The following RABGAP1L variants were observed in gnomAD, a reference collection of about 807,000 sequenced individuals.
RABGAP1L encodes the protein RAB GTPase activating protein 1 like, also known as rab GTPase-activating protein 1-like.
RABGAP1L carries 63 observed loss-of-function variants against 137.7 expected under a neutral mutation model. That is an observed-to-expected ratio of 0.46 (90% CI 0.37 to 0.56). RABGAP1L has a LOEUF of 0.56. Among genes scored for constraint, RABGAP1L ranks in the 20% least tolerant of loss-of-function variants. RABGAP1L has a pLI of 0.00. For synonymous variants in RABGAP1L, 431 were observed against 433.7 expected (o/e 0.99, Z 0.08); for missense variants, 1,095 against 1,244.0 (o/e 0.88, Z 1.80).
intron 17 of RABGAP1L, among the ~76,000 whole-genome samples, chr1:174,734,325 A>G (rs115695645): frequency 6.6e-6 from 1 of 152,200 alleles, no homozygotes; most frequent in African/African-American, 2.4e-5. Flanking sequence ...GTATGACCAT[A>G]GGGAACTCGG....
In RABGAP1L at chr1:174,921,674, G is replaced by A. The variant is rs569249343; in HGVS notation, c.2341-35783G>A. Among the ~76,000 whole-genome samples, 6 of 152,278 alleles carry A rather than the reference G, an allele frequency of 3.9e-5. No individual in the cohort carries two copies. The South Asian group carries it at 1.2e-3, about 32-fold the overall frequency. ...GGTTTTATAAAGCTAGTTATCAGCTGCTAACGAACTGTCTAAATATGCCAA... is the reference window on the plus strand; with the variant it reads ...GGTTTTATAAAGCTAGTTATCAGCTACTAACGAACTGTCTAAATATGCCAA... On this transcript the variant is annotated intron_variant, in intron 19 of 25. Transcript: ENST00000681986.
At chr1:174,221,532 T>G (rs1373791900) in intron 3 of RABGAP1L, among the ~76,000 whole-genome samples, 1 of 152,236 alleles carries the variant, frequency 6.6e-6, no homozygotes, top group Non-Finnish European at 1.5e-5. Flanking sequence ...TAAAGTTATA[T>G]TTAGTAAAAA....
chr1:174,625,211 C>T (rs1672857009), intron 13 of RABGAP1L, among the ~76,000 whole-genome samples: 1 of 152,032 alleles, frequency 6.6e-6, no homozygotes, highest in Non-Finnish European at 1.5e-5. Context: ...ACTAACCAAT[C>T]AACATTATAT....
intron 14 of RABGAP1L, among the ~76,000 whole-genome samples, chr1:174,646,837 C>G (rs1675006412): frequency 6.6e-6 from 1 of 152,104 alleles, no homozygotes; most frequent in Non-Finnish European, 1.5e-5. Flanking sequence ...TTCTTTCTAT[C>G]CATGAGCATG....
chr1:174,886,114 A>G (rs1457147251), intron 19 of RABGAP1L, among the ~76,000 whole-genome samples: 2 of 151,632 alleles, frequency 1.3e-5, no homozygotes, highest in Admixed American at 1.3e-4. Flanking sequence ...CCCAGGTTCA[A>G]GCAGTTCTCC....
intron 13 of RABGAP1L, among the ~76,000 whole-genome samples, chr1:174,533,530 T>C (rs1362368465): frequency 1.3e-5 from 2 of 152,204 alleles, no homozygotes; most frequent in African/African-American, 4.8e-5. Context: ...ATGAAGACTT[T>C]CATGATGATC....
At chr1:174,530,910 T>A (rs993647678) in intron 13 of RABGAP1L, among the ~76,000 whole-genome samples, 2 of 151,986 alleles carry the variant, frequency 1.3e-5, no homozygotes, top group African/African-American at 4.8e-5. Flanking sequence ...AGAAAAAAAT[T>A]TTAATTGAAT....
At chr1:174,955,747 C>A (rs1202549785) in intron 19 of RABGAP1L, among the ~76,000 whole-genome samples, 3 of 152,142 alleles carry the variant, frequency 2.0e-5, no homozygotes, top group Non-Finnish European at 4.4e-5. Flanking sequence ...CGTTTGTAAT[C>A]TTAAACCAAA....
intron 13 of RABGAP1L, among the ~76,000 whole-genome samples, chr1:174,454,188 G>A (rs902010800): frequency 3.3e-5 from 5 of 152,004 alleles, no homozygotes; most frequent in African/African-American, 4.8e-5. Flanking sequence ...GCTTGAACCC[G>A]GGAGGCGGAG....
chr1:174,797,630 T>G (rs1573239047), intron 18 of RABGAP1L, among the ~76,000 whole-genome samples: 2 of 66,136 alleles, frequency 3.0e-5, no homozygotes, highest in South Asian at 5.8e-4. Context: ...GGAGTGTGGG[T>G]GTGTGGGGGG....
chr1:174,613,422 C>T (rs868819129), intron 13 of RABGAP1L, among the ~76,000 whole-genome samples: 3 of 152,172 alleles, frequency 2.0e-5, no homozygotes, highest in South Asian at 2.1e-4. Flanking sequence ...GTCTGAGAGA[C>T]AGTTTGTTTT....
chr1:174,797,964 G>A (rs1211943902), intron 18 of RABGAP1L, among the ~76,000 whole-genome samples: 1 of 151,490 alleles, frequency 6.6e-6, no homozygotes, highest in Non-Finnish European at 1.5e-5. Flanking sequence ...TTAGAGATGG[G>A]GTTCCACTAT....
At chr1:174,723,867 T>C (rs1181729196) in intron 17 of RABGAP1L, among the ~76,000 whole-genome samples, 1 of 152,186 alleles carries the variant, frequency 6.6e-6, no homozygotes, top group Admixed American at 6.5e-5. Flanking sequence ...GTTATATAAA[T>C]AGGAGGCCAC....
intron 13 of RABGAP1L, among the ~76,000 whole-genome samples, chr1:174,596,253 G>C (rs1669904154): frequency 6.7e-6 from 1 of 149,270 alleles, no homozygotes; most frequent in African/African-American, 2.5e-5. Flanking sequence ...CCCACTGTCT[G>C]GCACTCCCTA....
At chr1:174,542,844 G>A (rs903359512) in intron 13 of RABGAP1L, among the ~76,000 whole-genome samples, 31 of 152,216 alleles carry the variant, frequency 2.0e-4, no homozygotes, top group African/African-American at 7.0e-4. Flanking sequence ...CCTTCATTTC[G>A]TTATGTACCT....
chr1:174,217,271 G>C (rs1430928886), intron 1 of RABGAP1L, among the ~76,000 whole-genome samples: 1 of 152,184 alleles, frequency 6.6e-6, no homozygotes, highest in Non-Finnish European at 1.5e-5. Flanking sequence ...TTTCATTTAA[G>C]ATACGATAAG....
intron 19 of RABGAP1L, among the ~76,000 whole-genome samples, chr1:174,902,873 T>G (rs375430818): frequency 2.0e-4 from 30 of 151,698 alleles, no homozygotes; most frequent in African/African-American, 6.8e-4. Flanking sequence ...CGGTGCTGAA[T>G]TCACTCTTCC....
chr1:174,859,873 T>C (rs551515254), intron 19 of RABGAP1L, among the ~76,000 whole-genome samples: 38 of 151,742 alleles, frequency 2.5e-4, no homozygotes, highest in Non-Finnish European at 3.4e-4. Context: ...GAAATAACAA[T>C]TTTTATATAG....
chr1:174,445,026 GATA>G (rs1654590076), intron 13 of RABGAP1L, among the ~76,000 whole-genome samples: 1 of 151,992 alleles, frequency 6.6e-6, no homozygotes, highest in Non-Finnish European at 1.5e-5. Context: ...TTTGGAAAAT[GATA>G]ATGATGATAC....
Sources: gnomAD v4.1 joint callset for allele counts (sites outside exome capture counted in the v4.1 genomes callset) on GRCh38, gnomAD v4.1.1 for gene constraint, MANE v1.5 for transcripts, NCBI Gene and HGNC (gene_info 2026-07-23, HGNC 2026-07-21) for gene names.